Variants in PTPN3 observed in about 807,000 individuals in gnomAD.
PTPN3 encodes protein tyrosine phosphatase non-receptor type 3.
In PTPN3, 96 loss-of-function variants were observed where a neutral mutation model predicts 132.7. That is an observed-to-expected ratio of 0.72 (90% CI 0.61 to 0.86). The LOEUF (loss-of-function observed/expected upper bound fraction) is 0.86. Among genes scored for constraint, PTPN3 ranks in the 40% least tolerant of loss-of-function variants. The pLI, the probability that PTPN3 is intolerant of heterozygous loss-of-function variation, is 0.00. For missense variants in PTPN3, 1,125 were observed against 1,159.6 expected (o/e 0.97, Z 0.43); for synonymous variants, 398 against 429.0 (o/e 0.93, Z 0.89).
the PTPN3 span, chr9:109,534,284 G>T: frequency 6.5e-7 from 1 of 1,542,248 alleles, no homozygotes; most frequent in South Asian, 1.1e-5. Flanking sequence ...GCGGGGGGCG[G>T]CGAGCGGCAA....
At chr9:109,419,950 C>T (rs1483540766) in intron 14 of PTPN3, among the ~76,000 whole-genome samples, 2 of 152,130 alleles carry the variant, frequency 1.3e-5, no homozygotes, top group Admixed American at 6.5e-5. Context: ...TTTCTTTATA[C>T]TAACTATTAA....
intron 14 of PTPN3, among the ~76,000 whole-genome samples, chr9:109,419,483 T>C (rs553087904): frequency 3.3e-4 from 51 of 152,352 alleles, no homozygotes; most frequent in African/African-American, 1.2e-3. Flanking sequence ...CCAATGACTA[T>C]GGTTGATTTC....
At position 109,434,874 on chromosome 9, in the gene PTPN3, C is replaced by T. The variant is rs142431240; in HGVS notation, c.676-1713G>A. Among the ~76,000 whole-genome samples the T allele has an allele frequency of 5.3e-5, 8 of 152,312 alleles. No homozygotes were observed. In the East Asian group the frequency reaches 1.5e-3, roughly 29 times the overall value. On this transcript the variant is annotated intron_variant, in intron 9 of 25. Transcript: ENST00000374541. ...CATAAGAAACGTCCATTCCCCTTTGCCGTGGGACAAACCCTTTGTGAACCA... is the reference window on the plus strand; with the variant it reads ...CATAAGAAACGTCCATTCCCCTTTGTCGTGGGACAAACCCTTTGTGAACCA...
chr9:109,418,863 C>G (rs1265472235), intron 14 of PTPN3, among the ~76,000 whole-genome samples: 1 of 152,218 alleles, frequency 6.6e-6, no homozygotes, highest in Non-Finnish European at 1.5e-5. Flanking sequence ...CAAACCACCA[C>G]AGGAAGCTCT....
chr9:109,460,986 A>G (rs1213879771), intron 2 of PTPN3, among the ~76,000 whole-genome samples: 1 of 152,246 alleles, frequency 6.6e-6, no homozygotes, highest in African/African-American at 2.4e-5. Flanking sequence ...AAACGGTTAA[A>G]GAACAGCTCC....
chr9:109,409,954 G>A, intron 16 of PTPN3, 45 bp downstream of exon 16: 1 of 1,602,136 alleles, frequency 6.2e-7, no homozygotes, highest in Non-Finnish European at 8.5e-7. Context: ...CTCATTGAAA[G>A]ATTGCTTCCC....
intron 9 of PTPN3, among the ~76,000 whole-genome samples, chr9:109,434,061 C>T (rs1008741263): frequency 1.3e-5 from 2 of 151,456 alleles, no homozygotes; most frequent in South Asian, 4.2e-4. Context: ...AAGGTGAGTA[C>T]AAATAAAATT....
chr9:109,410,099 T>C (rs773345919), intron 15 of PTPN3, 23 bp from the exon 16 acceptor site: 1 of 1,614,096 alleles, frequency 6.2e-7, no homozygotes, highest in Non-Finnish European at 8.5e-7. Flanking sequence ...TTGAAAGTGG[T>C]CATTTGCATC....
At chr9:109,502,556 G>A (rs1455017723), upstream of PTPN3, among the ~76,000 whole-genome samples, 5 of 152,190 alleles carry the variant, frequency 3.3e-5, no homozygotes, top group Admixed American at 1.3e-4. Flanking sequence ...TGCACTGTGC[G>A]AGGCTGAGGT....
At position 109,420,492 on chromosome 9, in the gene PTPN3, C is replaced by G. The variant is rs138148171; in HGVS notation, c.1245G>C (p.Thr415=). 1.2e-6 allele frequency: 2 copies of G among 1,613,558 alleles called. No homozygotes were observed. The highest frequency in any genetic ancestry group is 1.3e-5 in the African/African-American group (1 of 75,024). The change falls in exon 14 of 26, where the codon ACG becomes ACC. Residue 415 remains threonine (T), a synonymous_variant. Coordinates refer to ENST00000374541, the MANE Select transcript of PTPN3 (RefSeq NM_002829.4). ...CTTGAGGGGCCAGAGAGCCCTTGTA[C>G]GTGTAAAATACATCTTCCGTTTCCG... ...YITETEDVFY[T]YKGSLAPQDS... is the part of the protein sequence containing the mutation.
the PTPN3 span, among the ~76,000 whole-genome samples, chr9:109,523,740 C>A: frequency 6.6e-6 from 1 of 152,282 alleles, no homozygotes; most frequent in South Asian, 2.1e-4. Flanking sequence ...ACTCCCGGAT[C>A]TTTAGAGCTT....
At chr9:109,405,592 G>A (rs954970788) in intron 18 of PTPN3, among the ~76,000 whole-genome samples, 1 of 152,100 alleles carries the variant, frequency 6.6e-6, no homozygotes, top group Non-Finnish European at 1.5e-5. Context: ...AAGTGCCATT[G>A]ATTGATTGAA....
the PTPN3 span, among the ~76,000 whole-genome samples, chr9:109,537,727 C>G: frequency 6.6e-6 from 1 of 152,222 alleles, no homozygotes; most frequent in African/African-American, 2.4e-5. Context: ...CACTTGACTT[C>G]CTTTGGTCCA....
At position 109,377,906 on chromosome 9, in the gene PTPN3, T is replaced by G. The variant is rs1489061353; in HGVS notation, c.*1650A>C. On this transcript the variant is annotated 3_prime_UTR_variant, in exon 26 of 26. Coordinates refer to ENST00000374541, the MANE Select transcript of PTPN3 (RefSeq NM_002829.4). ...ATCCCCTGCCCCTTAGCTGCAAACT[T>G]TCTGGTGGTTTCTTGTTTTCAATAT... is the stretch of plus-strand genomic sequence containing the variant. 6.6e-6 allele frequency: 1 copy of G among 152,168 alleles called. No individual in the cohort carries two copies. The allele number at this position is 152,168 out of a possible 1,614,324, so 9.4% of individuals were successfully genotyped here.
chr9:109,390,365 C>T (rs536407544), intron 21 of PTPN3, among the ~76,000 whole-genome samples: 3 of 152,284 alleles, frequency 2.0e-5, no homozygotes, highest in East Asian at 3.9e-4. Flanking sequence ...CTGTGTGCCA[C>T]CTTGCAAACT....
At chr9:109,515,772 C>T in the PTPN3 span, among the ~76,000 whole-genome samples, 3 of 152,106 alleles carry the variant, frequency 2.0e-5, no homozygotes, top group African/African-American at 4.8e-5. Context: ...TTTTAGCAAC[C>T]AGCTCTTAGG....
chr9:109,514,715 G>A, the PTPN3 span, among the ~76,000 whole-genome samples: 1 of 152,158 alleles, frequency 6.6e-6, no homozygotes, highest in Non-Finnish European at 1.5e-5. Flanking sequence ...TCTTTGCTAT[G>A]TGACTTTGCA....
Position 109,406,601 on chromosome 9 carries a change from A to C in PTPN3, c.1653T>G (p.Pro551=). 6.2e-7 allele frequency: 1 copy of C among 1,614,132 alleles called. No homozygotes were observed. ...NPESPADTCI[P]KLNEGDQIVL... The stretch of plus-strand genomic sequence containing the variant: ...CGATTTGATCCCCTTCGTTCAGCTT[A>C]GGAATGCAGGTGTCCGCCTGGGTGG... The change falls in exon 18 of 26, where the codon CCT becomes CCG. Residue 551 remains proline (P), a synonymous_variant. Coordinates refer to ENST00000374541, the MANE Select transcript of PTPN3 (RefSeq NM_002829.4).
At chr9:109,405,550 C>T (rs891542968) in intron 18 of PTPN3, among the ~76,000 whole-genome samples, 1 of 152,196 alleles carries the variant, frequency 6.6e-6, no homozygotes, top group African/African-American at 2.4e-5. Context: ...CCTCTGCTCC[C>T]ATCAGGCAGC....
Sources: gnomAD v4.1 joint callset for allele counts (sites outside exome capture counted in the v4.1 genomes callset) on GRCh38, gnomAD v4.1.1 for gene constraint, MANE v1.5 for transcripts, NCBI Gene and HGNC (gene_info 2026-07-23, HGNC 2026-07-21) for gene names.